THSD4: variants seen among roughly 807,000 people sequenced by gnomAD.
THSD4 encodes the protein thrombospondin type-1 domain-containing protein 4.
A neutral mutation model predicts 119.0 loss-of-function variants in THSD4; 69 were observed. That is an observed-to-expected ratio of 0.58 (90% CI 0.48 to 0.71). The LOEUF is 0.71. THSD4 is among the 30% of genes least tolerant of loss of function. THSD4 has a pLI of 0.00. For missense variants in THSD4, 1,393 were observed against 1,391.1 expected, an observed-to-expected ratio of 1.00 and a Z score of -0.02; for synonymous variants, 524 against 540.4, an observed-to-expected ratio of 0.97 and a Z score of 0.42.
chr15:71,510,020 T>C (rs772389451), intron 7 of THSD4, among the ~76,000 whole-genome samples: 4 of 152,144 alleles, frequency 2.6e-5, no homozygotes, highest in Non-Finnish European at 5.9e-5. Context: ...TTGGCAGAAG[T>C]TAGAAGCTTT....
chr15:71,630,477 C>A (rs545583689), intron 7 of THSD4, among the ~76,000 whole-genome samples: 2 of 152,298 alleles, frequency 1.3e-5, no homozygotes, highest in South Asian at 4.1e-4. Context: ...CAAAAACTTT[C>A]TTTATATAAT....
chr15:71,111,800 G>A (rs2040307263), upstream of THSD4: 4 of 524,384 alleles, frequency 7.6e-6, 1 homozygote, highest in Non-Finnish European at 1.3e-5. Context: ...ATTCTCTGAA[G>A]CACAGTTAGG....
intron 6 of THSD4, among the ~76,000 whole-genome samples, chr15:71,404,027 T>C (rs531827147): frequency 2.0e-5 from 3 of 152,350 alleles, no homozygotes; most frequent in Admixed American, 2.0e-4. Flanking sequence ...AGAAATTGTC[T>C]TATTTATTTG....
upstream of THSD4, among the ~76,000 whole-genome samples, chr15:71,112,621 G>A (rs1281935510): frequency 6.6e-6 from 1 of 152,222 alleles, no homozygotes; most frequent in African/African-American, 2.4e-5. Flanking sequence ...AGCTGACACT[G>A]ACATGCCAGG....
chr15:71,108,545 A>G (rs2040283556), intron 1 of THSD4, among the ~76,000 whole-genome samples: 1 of 152,170 alleles, frequency 6.6e-6, no homozygotes, highest in Non-Finnish European at 1.5e-5. Flanking sequence ...TTCTCCACCC[A>G]TGGACTTCCA....
intron 7 of THSD4, among the ~76,000 whole-genome samples, chr15:71,537,312 G>T (rs1200095834): frequency 6.6e-6 from 1 of 152,020 alleles, no homozygotes. Context: ...ATGCAAATCT[G>T]GTCCTATAAC....
chr15:71,111,269 G>GA, upstream of THSD4: 1 of 1,614,010 alleles, frequency 6.2e-7, no homozygotes, highest in Admixed American at 1.7e-5. Context: ...CACTTCATGG[G>GA]AATCCTTGAC....
chr15:71,375,783 G>A (rs1248327558), intron 6 of THSD4, among the ~76,000 whole-genome samples: 1 of 152,140 alleles, frequency 6.6e-6, no homozygotes, highest in Non-Finnish European at 1.5e-5. Context: ...ATGCAAATTC[G>A]GGCCTCACTC....
intron 1 of THSD4, among the ~76,000 whole-genome samples, chr15:71,099,184 G>A (rs939435020): frequency 6.6e-6 from 1 of 152,168 alleles, no homozygotes; most frequent in Non-Finnish European, 1.5e-5. Context: ...GGTGGTCTGG[G>A]GAAGAGTTGT....
chr15:71,517,290 G>T (rs939773952), intron 7 of THSD4, among the ~76,000 whole-genome samples: 2 of 151,972 alleles, frequency 1.3e-5, no homozygotes, highest in African/African-American at 4.8e-5. Flanking sequence ...TTCCATCCCC[G>T]CCACTCCCAT....
intron 1 of THSD4, among the ~76,000 whole-genome samples, chr15:71,134,845 G>C (rs2040534611): frequency 6.6e-6 from 1 of 151,996 alleles, no homozygotes; most frequent in Admixed American, 6.5e-5. Flanking sequence ...AATACCATTT[G>C]ACCCAGCCAT....
chr15:71,125,724 G>A (rs1419932762), intron 1 of THSD4, among the ~76,000 whole-genome samples: 2 of 152,352 alleles, frequency 1.3e-5, no homozygotes, highest in African/African-American at 2.4e-5. Flanking sequence ...CTGCTCCTGG[G>A]TGTATCTTGG....
intron 7 of THSD4, among the ~76,000 whole-genome samples, chr15:71,513,161 G>A (rs531928153): frequency 1.3e-5 from 2 of 152,222 alleles, no homozygotes; most frequent in East Asian, 1.9e-4. Flanking sequence ...CCAAGATGGC[G>A]TGAGCCGAGA....
At chr15:71,659,225 C>G (rs2140993666) in intron 7 of THSD4, among the ~76,000 whole-genome samples, 1 of 152,302 alleles carries the variant, frequency 6.6e-6, no homozygotes, top group Non-Finnish European at 1.5e-5. Context: ...ATCCTGTACT[C>G]ACAATATTTC....
At chr15:71,540,403 TG>T (rs1165156424) in intron 7 of THSD4, among the ~76,000 whole-genome samples, 2 of 143,480 alleles carry the variant, frequency 1.4e-5, no homozygotes, top group African/African-American at 5.2e-5. Context: ...CCCAAAGTGC[TG>T]GGATTACAGG....
At chr15:71,154,997 C>T in intron 3 of THSD4, 65 bp downstream of exon 3, 1 of 1,512,500 alleles carries the variant, frequency 6.6e-7, no homozygotes, top group Non-Finnish European at 9.2e-7. Context: ...GTGGTCACTG[C>T]CCTGAACTTT....
intron 7 of THSD4, among the ~76,000 whole-genome samples, chr15:71,606,191 G>A (rs1174782338): frequency 6.6e-6 from 1 of 152,126 alleles, no homozygotes; most frequent in South Asian, 2.1e-4. Flanking sequence ...TTTGTTTTTT[G>A]GTTACTTTTT....
In THSD4 at chr15:71,277,091, G is replaced by T. The variant is rs1484395091; in HGVS notation, c.1015+20376G>T. Among the ~76,000 whole-genome samples the T allele has an allele frequency of 2.1e-5, 3 of 145,092 alleles. No individual in the cohort carries two copies. In the East Asian group the frequency reaches 6.5e-4, roughly 31 times the overall value. On this transcript the variant is annotated intron_variant, in intron 6 of 17. Transcript: ENST00000261862. ...ATCCACTGCAGAATAATAAAATGGA[G>T]GTACTGGCAACTATTTGTATTTGAA...
intron 7 of THSD4, among the ~76,000 whole-genome samples, chr15:71,553,996 T>C (rs1348097734): frequency 1.3e-5 from 2 of 152,054 alleles, no homozygotes; most frequent in African/African-American, 4.8e-5. Context: ...TAGACCAGGG[T>C]TTTGATAGTT....
Sources: allele counts gnomAD v4.1 joint callset (sites outside exome capture counted in the v4.1 genomes callset), GRCh38; gene constraint gnomAD v4.1.1; transcripts MANE v1.5; gene names NCBI Gene and HGNC (gene_info 2026-07-23, HGNC 2026-07-21).